UGT1A7: variants seen among roughly 807,000 people sequenced by gnomAD.
UGT1A7 encodes the protein UDP glucuronosyltransferase family 1 member A7, also known as UDP-glucuronosyltransferase 1A7.
In UGT1A7, 33 loss-of-function variants were observed where a neutral mutation model predicts 45.6. The ratio of observed to expected loss-of-function variants is 0.72; its 90% CI spans 0.55 to 0.97. The LOEUF (loss-of-function observed/expected upper bound fraction) is 0.97. Ranked by LOEUF, UGT1A7 falls within the 50% of genes least tolerant of loss-of-function variation. The pLI is 0.00. For missense variants in UGT1A7, 684 were observed against 666.2 expected, an observed-to-expected ratio of 1.03 and a Z score of -0.29; for synonymous variants, 274 against 250.6, an observed-to-expected ratio of 1.09 and a Z score of -0.88.
chr2:233,770,134 A>T (rs1182793290), intron 4 of UGT1A7: 14 of 152,284 alleles, frequency 9.2e-5, no homozygotes, highest in African/African-American at 3.4e-4. Flanking sequence ...AAAGTCCTCT[A>T]ATACATTATT....
chr2:233,725,324 T>TAACAA lies in UGT1A7; in HGVS notation c.856-41710_856-41709insAACAA, dbSNP rs1473131454. Among the ~76,000 whole-genome samples, 2 of 93,548 alleles carry TAACAA rather than the reference T, an allele frequency of 2.1e-5. 1 individual carries two copies. Among genetic ancestry groups the TAACAA allele is most frequent in the Non-Finnish European group, 4.5e-5 (2 of 44,118 alleles). 61.4% of individuals were successfully genotyped at this position (93,548 alleles called of 152,430 possible). A position where few individuals can be genotyped will look rare whatever the true frequency, so the allele number is the denominator to read the frequency against. ...CAGAGGCAGAGGCAGAGGCGCCTGG[T>TAACAA]CAACAATCTTAAGTCCAATAAGAAT... On this transcript the variant is annotated intron_variant, in intron 1 of 4. Coordinates refer to ENST00000373426, the MANE Select transcript of UGT1A7 (RefSeq NM_019077.3).
At position 233,767,025 on chromosome 2, in the gene UGT1A7, T is replaced by G. The variant is rs1345213013; in HGVS notation, c.856-9T>G. ...AAAAATTAACTGAAAATTTTTCTTC[T>G]GGCTCTAGGAATTTGAAGCCTACAT... On this transcript the variant is annotated splice_polypyrimidine_tract_variant and intron_variant, in intron 1 of 4. Coordinates refer to ENST00000373426, the MANE Select transcript of UGT1A7 (RefSeq NM_019077.3). The G allele has an allele frequency of 6.2e-7, 1 of 1,614,030 alleles. No individual in the cohort carries two copies. The highest frequency in any genetic ancestry group is 8.5e-7 in the Non-Finnish European group (1 of 1,180,008).
At chr2:233,762,448 C>T (rs2125997990) in intron 1 of UGT1A7, among the ~76,000 whole-genome samples, 1 of 152,302 alleles carries the variant, frequency 6.6e-6, no homozygotes, top group East Asian at 1.9e-4. Context: ...TCCCACTGCC[C>T]ACTTACCGAT....
chr2:233,766,981 G>C lies in UGT1A7; in HGVS notation c.856-53G>C, dbSNP rs1699300845. On this transcript the variant is annotated intron_variant, in intron 1 of 4. Coordinates refer to ENST00000373426, the MANE Select transcript of UGT1A7 (RefSeq NM_019077.3). Reference sequence around the variant, plus strand: ...TCTAATTCATAACTTACTGTATGTAGTCATCAAAGAATATGAGAAAAAATT... The same window carrying C: ...TCTAATTCATAACTTACTGTATGTACTCATCAAAGAATATGAGAAAAAATT... 1.9e-6 allele frequency: 3 copies of C among 1,612,648 alleles called. No individual in the cohort carries two copies. In the East Asian group the frequency reaches 6.7e-5, roughly 36 times the overall value.
chr2:233,706,144 G>C (rs2075891218), intron 1 of UGT1A7, among the ~76,000 whole-genome samples: 1 of 152,146 alleles, frequency 6.6e-6, no homozygotes, highest in African/African-American at 2.4e-5. Flanking sequence ...ATTAAACAAA[G>C]CATGAGAACC....
intron 1 of UGT1A7, among the ~76,000 whole-genome samples, chr2:233,703,399 T>G (rs1408103781): frequency 6.6e-6 from 1 of 152,144 alleles, no homozygotes; most frequent in Non-Finnish European, 1.5e-5. Context: ...AATAAACAAT[T>G]TTGGTTTTGT....
At chr2:233,766,444 G>A (rs1260169711) in intron 1 of UGT1A7, among the ~76,000 whole-genome samples, 1 of 152,210 alleles carries the variant, frequency 6.6e-6, no homozygotes, top group African/African-American at 2.4e-5. Context: ...CTGTGTGTCT[G>A]CCTGCTAGGG....
At chr2:233,724,348 C>T (rs1263010840) in intron 1 of UGT1A7, among the ~76,000 whole-genome samples, 5 of 144,562 alleles carry the variant, frequency 3.5e-5, no homozygotes, top group Non-Finnish European at 7.6e-5. Flanking sequence ...TGACCCCCCC[C>T]ACCTCCCTCC....
At chr2:233,721,420 A>G (rs2076943855) in intron 1 of UGT1A7, 1 of 156,132 alleles carries the variant, frequency 6.4e-6, no homozygotes, top group Admixed American at 6.5e-5. Context: ...AGGTACCCTA[A>G]GCATTGTGGT....
At chr2:233,704,135 C>T (rs2075769183) in intron 1 of UGT1A7, among the ~76,000 whole-genome samples, 1 of 152,108 alleles carries the variant, frequency 6.6e-6, no homozygotes, top group Non-Finnish European at 1.5e-5. Flanking sequence ...AAGTGATCCA[C>T]CCGCCTCAGC....
At position 233,690,644 on chromosome 2, in the gene UGT1A7, G is replaced by A. The variant is rs1194432468; in HGVS notation, c.855+7852G>A. The A allele has an allele frequency of 2.3e-6, 3 of 1,287,608 alleles. No individual in the cohort carries two copies. In the Admixed American group the frequency reaches 6.9e-5, roughly 30 times the overall value. The allele number at this position is 1,287,608 out of a possible 1,614,324, so 79.8% of individuals were successfully genotyped here. The stretch of plus-strand genomic sequence containing the variant: ...CTCAAGTGATACCTGAGGACACCTT[G>A]ACTCCTACAGCACCAACCAGGGCAG... On this transcript the variant is annotated intron_variant, in intron 1 of 4. Coordinates refer to ENST00000373426, the MANE Select transcript of UGT1A7 (RefSeq NM_019077.3).
chr2:233,754,879 C>T (rs1695622753), intron 1 of UGT1A7: 1 of 1,352,088 alleles, frequency 7.4e-7, no homozygotes, highest in South Asian at 1.1e-5. Flanking sequence ...CTTCTGCTTC[C>T]CAGGGAGTTC....
At chr2:233,725,989 G>C (rs2077488479) in intron 1 of UGT1A7, among the ~76,000 whole-genome samples, 1 of 152,034 alleles carries the variant, frequency 6.6e-6, no homozygotes, top group African/African-American at 2.4e-5. Context: ...AACGTGCTGA[G>C]ACTGCATCTC....
intron 1 of UGT1A7, among the ~76,000 whole-genome samples, chr2:233,700,769 C>T (rs984104933): frequency 2.6e-5 from 4 of 151,824 alleles, no homozygotes; most frequent in South Asian, 4.2e-4. Context: ...ATGTGCACAA[C>T]GTACAGGTTT....
chr2:233,771,399 T>C (rs972051776), intron 4 of UGT1A7: 1 of 152,180 alleles, frequency 6.6e-6, no homozygotes, highest in African/African-American at 2.4e-5. Flanking sequence ...GATTGGGCAA[T>C]GAACACTGTC....
At chr2:233,729,013 C>A in intron 1 of UGT1A7, 1 of 1,586,512 alleles carries the variant, frequency 6.3e-7, no homozygotes, top group Non-Finnish European at 8.6e-7. Context: ...CTCTGTCTTC[C>A]AATTACACGT....
chr2:233,747,406 T>C (rs111706856), intron 1 of UGT1A7: 83,939 of 1,606,544 alleles, frequency 0.052, 2,713 homozygotes, highest in Non-Finnish European at 0.063. Flanking sequence ...ACCCCAGAGG[T>C]GAATATGCAC....
intron 1 of UGT1A7, among the ~76,000 whole-genome samples, chr2:233,687,413 G>T (rs1169237958): frequency 6.6e-6 from 1 of 151,954 alleles, no homozygotes; most frequent in African/African-American, 2.4e-5. Flanking sequence ...ACATATATTG[G>T]AGGCTTACCG....
chr2:233,744,651 A>T lies in UGT1A7; in HGVS notation c.856-22383A>T, dbSNP rs887119274. Among the ~76,000 whole-genome samples, 395 of 152,016 alleles carry T rather than the reference A, an allele frequency of 2.6e-3. 3 individuals are homozygous for T. Among genetic ancestry groups the T allele is most frequent in the Middle Eastern group, 6.8e-3 (2 of 294 alleles). On this transcript the variant is annotated intron_variant, in intron 1 of 4. Transcript: ENST00000373426. The stretch of plus-strand genomic sequence containing the variant: ...GATTCTCATGTCAGCTTCTGTATTC[A>T]ATCTACTGTGATATTACACATCACC...
Sources: gnomAD v4.1 joint callset for allele counts (sites outside exome capture counted in the v4.1 genomes callset) on GRCh38, gnomAD v4.1.1 for gene constraint, MANE v1.5 for transcripts, NCBI Gene and HGNC (gene_info 2026-07-23, HGNC 2026-07-21) for gene names.